RAB10: variants seen among roughly 807,000 people sequenced by gnomAD.
RAB10 encodes the protein RAB10, member RAS oncogene family.
A neutral mutation model predicts 25.7 loss-of-function variants in RAB10; 5 were observed. That is an observed-to-expected ratio of 0.19 (90% CI 0.10 to 0.41). The LOEUF (loss-of-function observed/expected upper bound fraction) is 0.41. Ranked by LOEUF, RAB10 falls within the 10% of genes least tolerant of loss-of-function variation. RAB10 has a pLI of 1.00. For synonymous variants in RAB10, 89 were observed against 86.4 expected (o/e 1.03, Z -0.16); for missense variants, 103 against 245.8 (o/e 0.42, Z 3.89).
At chr2:26,110,512 G>A (rs1275710572) in intron 3 of RAB10, among the ~76,000 whole-genome samples, 1 of 151,858 alleles carries the variant, frequency 6.6e-6, no homozygotes, top group Non-Finnish European at 1.5e-5. Flanking sequence ...ATGATTTTCT[G>A]GAAATGAATT....
intron 2 of RAB10, among the ~76,000 whole-genome samples, chr2:26,107,369 C>T (rs1667487179): frequency 6.6e-6 from 1 of 151,952 alleles, no homozygotes; most frequent in Non-Finnish European, 1.5e-5. Flanking sequence ...AGCTTCCTCT[C>T]TACAAAATAC....
chr2:26,090,457 G>C (rs185675642), intron 1 of RAB10, among the ~76,000 whole-genome samples: 37 of 145,146 alleles, frequency 2.5e-4, no homozygotes, highest in African/African-American at 9.1e-4. Flanking sequence ...GTTCTTGGTG[G>C]GTTTTTCAGT....
In RAB10 at chr2:26,076,535, T is replaced by C. The variant is rs963239286; in HGVS notation, c.128-22127T>C. On this transcript the variant is annotated intron_variant, in intron 1 of 5. Transcript: ENST00000264710. ...CTGGAGAACACCTTATTTTGGAAGGTGCCCCCAAAGTATTAGATAGTGGAG... is the reference window on the plus strand; with the variant it reads ...CTGGAGAACACCTTATTTTGGAAGGCGCCCCCAAAGTATTAGATAGTGGAG... 2.6e-5 allele frequency among the ~76,000 whole-genome samples: 4 copies of C among 152,254 alleles called. No homozygotes were observed. In the East Asian group the frequency reaches 7.7e-4, roughly 29 times the overall value.
At chr2:26,127,710 T>G (rs1667932179) in intron 4 of RAB10, 140 bp from the exon 5 acceptor site, 2 of 606,004 alleles carry the variant, frequency 3.3e-6, no homozygotes, top group African/African-American at 3.7e-5. Context: ...TGAAAGAGCT[T>G]GACTTGCTGA....
In RAB10 at chr2:26,048,204, T is replaced by C. The variant is rs1666057443; in HGVS notation, c.127+13469T>C. 2.6e-5 allele frequency among the ~76,000 whole-genome samples: 4 copies of C among 152,204 alleles called. No homozygotes were observed. In the South Asian group the frequency reaches 8.3e-4, roughly 32 times the overall value. On this transcript the variant is annotated intron_variant, in intron 1 of 5. Coordinates refer to ENST00000264710, the MANE Select transcript of RAB10 (RefSeq NM_016131.5). ...TACAGGTTGTGTGATCATAAATTTT[T>C]GTTTCTTTGGAATAAACACCCAAAA...
At chr2:26,050,963 G>C (rs1666118586) in intron 1 of RAB10, among the ~76,000 whole-genome samples, 1 of 151,544 alleles carries the variant, frequency 6.6e-6, no homozygotes, top group Non-Finnish European at 1.5e-5. Context: ...CTGTCTCCCA[G>C]GCTAGAGTGC....
chr2:26,035,007 C>T (rs970786330), intron 1 of RAB10, among the ~76,000 whole-genome samples: 5 of 152,160 alleles, frequency 3.3e-5, no homozygotes, highest in Non-Finnish European at 5.9e-5. Flanking sequence ...AACCTTATTT[C>T]TTCAGGCGAC....
intron 1 of RAB10, among the ~76,000 whole-genome samples, chr2:26,081,229 T>A (rs1666862453): frequency 6.6e-6 from 1 of 152,192 alleles, no homozygotes; most frequent in Non-Finnish European, 1.5e-5. Context: ...CCTCTTTCAA[T>A]AGTAAATTAC....
intron 3 of RAB10, among the ~76,000 whole-genome samples, chr2:26,117,099 A>G (rs960944466): frequency 6.6e-6 from 1 of 152,210 alleles, no homozygotes; most frequent in Admixed American, 6.6e-5. Flanking sequence ...ATTACTTGGC[A>G]TATGACATTC....
chr2:26,096,418 ATGGCTGGC>A lies in RAB10; in HGVS notation c.128-2236_128-2229del, dbSNP rs1212059290. On this transcript the variant is annotated intron_variant, in intron 1 of 5. Coordinates refer to ENST00000264710, the MANE Select transcript of RAB10 (RefSeq NM_016131.5). The stretch of plus-strand genomic sequence containing the variant: ...GGTGGGCGGATGGATGGCTGGATGG[ATGGCTGGC>A]TGGCTGGATGGATGGATGGATGGAT... Among the ~76,000 whole-genome samples the A allele has an allele frequency of 3.8e-5, 4 of 104,740 alleles. No individual in the cohort carries two copies. In the East Asian group the frequency reaches 1.3e-3, roughly 33 times the overall value. The allele number at this position is 104,740 out of a possible 152,430, so 68.7% of individuals were successfully genotyped here.
upstream of RAB10, among the ~76,000 whole-genome samples, chr2:26,033,940 T>G (rs1350705733): frequency 7.2e-5 from 11 of 152,178 alleles, no homozygotes; most frequent in Non-Finnish European, 1.5e-4. Context: ...TTCTCCCCTC[T>G]GGGTCCAGCC....
intron 1 of RAB10, among the ~76,000 whole-genome samples, chr2:26,043,346 C>T (rs911760937): frequency 1.1e-4 from 17 of 152,030 alleles, no homozygotes; most frequent in Non-Finnish European, 1.8e-4. Context: ...CACTTGAACC[C>T]GGGAAGCGGA....
chr2:26,047,628 G>T (rs1156711667), intron 1 of RAB10, among the ~76,000 whole-genome samples: 1 of 151,680 alleles, frequency 6.6e-6, no homozygotes, highest in African/African-American at 2.4e-5. Context: ...CATTGGCCGG[G>T]CTGGTCTTGA....
chr2:26,127,994 CTGTT>C, intron 5 of RAB10, 43 bp downstream of exon 5: 1 of 1,448,298 alleles, frequency 6.9e-7, no homozygotes, highest in African/African-American at 1.4e-5. Flanking sequence ...CTGAGTATCT[CTGTT>C]GAATATTTTG....
chr2:26,061,578 A>T (rs974578120), intron 1 of RAB10, among the ~76,000 whole-genome samples: 1 of 152,048 alleles, frequency 6.6e-6, no homozygotes, highest in South Asian at 2.1e-4. Flanking sequence ...TTTGGTAGAG[A>T]CAGGGTCTTG....
At chr2:26,122,366 C>G (rs534401063) in intron 3 of RAB10, among the ~76,000 whole-genome samples, 2 of 152,102 alleles carry the variant, frequency 1.3e-5, no homozygotes, top group African/African-American at 4.8e-5. Flanking sequence ...CGGTGGCTCA[C>G]GCCTGTAATC....
chr2:26,087,397 CTGT>C (rs1305763877), intron 1 of RAB10, among the ~76,000 whole-genome samples: 1 of 152,144 alleles, frequency 6.6e-6, no homozygotes. Context: ...GCTGCTGCTG[CTGT>C]TGTTGGTGTT....
At chr2:26,051,626 T>G (rs560613290) in intron 1 of RAB10, among the ~76,000 whole-genome samples, 1 of 146,080 alleles carries the variant, frequency 6.8e-6, no homozygotes, top group East Asian at 2.0e-4. Flanking sequence ...TGGTGGTGAG[T>G]GCCTGTAGTC....
At chr2:26,103,777 A>G (rs1327556433) in intron 2 of RAB10, among the ~76,000 whole-genome samples, 3 of 152,128 alleles carry the variant, frequency 2.0e-5, no homozygotes, top group African/African-American at 7.2e-5. Flanking sequence ...CCACTGATCA[A>G]CTTTGTCTGT....
Sources: gnomAD v4.1 joint callset for allele counts (sites outside exome capture counted in the v4.1 genomes callset) on GRCh38, gnomAD v4.1.1 for gene constraint, MANE v1.5 for transcripts, NCBI Gene and HGNC (gene_info 2026-07-23, HGNC 2026-07-21) for gene names.